USP35: variants seen among roughly 807,000 people sequenced by gnomAD.
The protein encoded by USP35 is ubiquitin specific peptidase 35.
In USP35, 69 loss-of-function variants were observed where a neutral mutation model predicts 83.8. That is an observed-to-expected ratio of 0.82 (90% confidence interval 0.68 to 1.01). USP35 has a LOEUF of 1.01. USP35 is among the 50% of genes least tolerant of loss of function. The probability of loss-of-function intolerance (pLI) is 0.00; values close to 1 mark genes in which losing one functional copy is unlikely to be tolerated. For synonymous variants in USP35, 714 were observed against 589.5 expected (o/e 1.21, Z -3.06); for missense variants, 1,503 against 1,362.5 (o/e 1.10, Z -1.62).
chr11:78,213,379 C>T (rs75571061), intron 10 of USP35, among the ~76,000 whole-genome samples: 15 of 152,168 alleles, frequency 9.9e-5, no homozygotes, highest in Admixed American at 4.6e-4. Flanking sequence ...TCAGACCTCT[C>T]GGTACCACAT....
At position 78,213,674 on chromosome 11, in the gene USP35, C is replaced by T. The variant is rs570683097; in HGVS notation, c.2918C>T (p.Ala973Val). ...QEQEKEARSR[A>V]AYISALPTSP... Reference sequence around the variant, plus strand: ...CAGGAGAAGGAGGCCCGGAGCAGGGCGGCCTACATCTCTGCACTCCCCACA... The same window carrying T: ...CAGGAGAAGGAGGCCCGGAGCAGGGTGGCCTACATCTCTGCACTCCCCACA... The change falls in exon 11 of 11, where the codon GCG becomes GTG. Residue 973 changes from alanine to valine, a missense_variant. Physicochemically the swap from Ala to Val is moderately conservative, Grantham distance 64. Transcript: ENST00000529308. The T allele has an allele frequency of 5.2e-5, 79 of 1,505,682 alleles. 1 individual carries two copies. Among genetic ancestry groups the T allele is most frequent in the South Asian group, 9.4e-5 (7 of 74,424 alleles). The allele number at this position is 1,505,682 out of a possible 1,614,324, so 93.3% of individuals were successfully genotyped here.
intron 6 of USP35, among the ~76,000 whole-genome samples, chr11:78,202,883 C>G (rs565484665): frequency 6.6e-6 from 1 of 152,274 alleles, no homozygotes; most frequent in Non-Finnish European, 1.5e-5. Flanking sequence ...AAACAGTGAG[C>G]TTCTGTGGGC....
At chr11:78,226,590 G>A in the USP35 span, 7 of 1,428,506 alleles carry the variant, frequency 4.9e-6, no homozygotes, top group Non-Finnish European at 5.8e-6. Flanking sequence ...AGGTGTTTCT[G>A]CCTGACTTGG....
At chr11:78,206,297 C>T (rs1163545789) in intron 7 of USP35, among the ~76,000 whole-genome samples, 1 of 152,220 alleles carries the variant, frequency 6.6e-6, no homozygotes, top group African/African-American at 2.4e-5. Flanking sequence ...GCTGACATCA[C>T]TGACTTTTCT....
At chr11:78,230,909 G>C in the USP35 span, among the ~76,000 whole-genome samples, 1 of 152,214 alleles carries the variant, frequency 6.6e-6, no homozygotes, top group African/African-American at 2.4e-5. Context: ...ACTGAGGCCT[G>C]TGTCACTGTG....
the USP35 span, chr11:78,221,855 T>G: frequency 1.0e-6 from 1 of 987,044 alleles, no homozygotes; most frequent in Non-Finnish European, 1.6e-6. Context: ...AGCTGGGCCC[T>G]GACCCTCACA....
Position 78,210,684 on chromosome 11 carries a change from G to A in USP35, c.2829G>A (p.Glu943=), listed in dbSNP as rs1863734677. The A allele has an allele frequency of 6.2e-7, 1 of 1,603,586 alleles. No homozygotes were observed. Among genetic ancestry groups the A allele is most frequent in the African/African-American group, 1.3e-5 (1 of 74,576 alleles). ...AELGSSRVRT[E]PTLHKDLMEA... ...TGGGCTCTTCTAGAGTCCGGACAGA[G>A]CCCACCCTGCACAAGGACTTGATGG... The change falls in exon 10 of 11, where the codon GAG becomes GAA. Residue 943 remains glutamate (E), a synonymous_variant. Coordinates refer to ENST00000529308, the MANE Select transcript of USP35 (RefSeq NM_020798.4).
rs181399996 is a variant in USP35, at chr11:78,215,162, G to C, written c.*1349G>C. ...ACTTTACAACAGACGCTGAGGTAGAGAGCATTTGTTCTTATTCACAGCCAA... is the reference window on the plus strand; with the variant it reads ...ACTTTACAACAGACGCTGAGGTAGACAGCATTTGTTCTTATTCACAGCCAA... On this transcript the variant is annotated 3_prime_UTR_variant, in exon 11 of 11. Transcript: ENST00000529308. 5 of 152,484 alleles carry C rather than the reference G, an allele frequency of 3.3e-5. No homozygotes were observed. The highest frequency in any genetic ancestry group is 1.2e-4 in the African/African-American group (5 of 41,444). The allele number at this position is 152,484 out of a possible 1,614,324, so 9.4% of individuals were successfully genotyped here. A position where few individuals can be genotyped will look rare whatever the true frequency, so the allele number is the denominator to read the frequency against.
At chr11:78,235,031 C>T in the USP35 span, among the ~76,000 whole-genome samples, 1 of 152,036 alleles carries the variant, frequency 6.6e-6, no homozygotes, top group Non-Finnish European at 1.5e-5. Flanking sequence ...CCGGGAGGGG[C>T]TGCCATGAAG....
At chr11:78,213,381 G>T (rs1283192460) in intron 10 of USP35, among the ~76,000 whole-genome samples, 1 of 152,172 alleles carries the variant, frequency 6.6e-6, no homozygotes, top group African/African-American at 2.4e-5. Context: ...AGACCTCTCG[G>T]TACCACATTA....
At chr11:78,230,658 A>G in the USP35 span, among the ~76,000 whole-genome samples, 2 of 152,404 alleles carry the variant, frequency 1.3e-5, no homozygotes, top group Admixed American at 1.3e-4. Context: ...GATAGATAAT[A>G]GTGACACATG....
intron 6 of USP35, among the ~76,000 whole-genome samples, chr11:78,202,354 G>C (rs985217042): frequency 6.6e-6 from 1 of 152,226 alleles, no homozygotes; most frequent in African/African-American, 2.4e-5. Flanking sequence ...TTCTGGCTTC[G>C]TCTGGGCTCT....
At chr11:78,221,859 C>T in the USP35 span, 1 of 912,464 alleles carries the variant, frequency 1.1e-6, no homozygotes, top group Non-Finnish European at 1.8e-6. Flanking sequence ...GGGCCCTGAC[C>T]CTCACACACC....
intron 4 of USP35, 102 bp from the exon 5 acceptor site, chr11:78,200,031 G>C (rs923499646): frequency 2.3e-6 from 3 of 1,301,300 alleles, no homozygotes; most frequent in South Asian, 2.4e-5. Flanking sequence ...CTCTGCATGG[G>C]TTTGAACTCT....
At chr11:78,209,047 G>A (rs374971552) in intron 9 of USP35, 84 bp downstream of exon 9, 137 of 1,377,866 alleles carry the variant, frequency 9.9e-5, no homozygotes, top group Admixed American at 1.9e-4. Context: ...GTGTTGCAGC[G>A]TCCAGGGAAT....
At chr11:78,197,026 G>A in intron 2 of USP35, 108 bp downstream of exon 2, 1 of 1,369,024 alleles carries the variant, frequency 7.3e-7, no homozygotes, top group Non-Finnish European at 9.4e-7. Context: ...CGTGTGGCAC[G>A]AGTGTGCCAG....
rs755648903 is a variant in USP35 at position 78,200,231 on chromosome 11, C to A, written c.1035C>A (p.His345Gln). The A allele has an allele frequency of 9.3e-6, 15 of 1,614,056 alleles. No homozygotes were observed. In the East Asian group the frequency reaches 3.3e-4, roughly 36 times the overall value. Reference sequence around the variant, plus strand: ...TCCAGCACTCCCACGAAGCCTTCCACCTGGTAAGGTCCCCTGCCTGCTGCC... The same window carrying A: ...TCCAGCACTCCCACGAAGCCTTCCAACTGGTAAGGTCCCCTGCCTGCTGCC... ...LTFQHSHEAF[H>Q]LLLPHIPPMV... Residue 345 changes from histidine to glutamine, a missense_variant, in exon 5 of 11, where the codon CAC becomes CAA. By Grantham distance (24) the His-to-Gln change is conservative. Coordinates refer to ENST00000529308, the MANE Select transcript of USP35 (RefSeq NM_020798.4).
At chr11:78,208,671 C>T (rs770283520) in intron 8 of USP35, among the ~76,000 whole-genome samples, 186 bp from the exon 9 acceptor site, 1 of 152,158 alleles carries the variant, frequency 6.6e-6, no homozygotes, top group Non-Finnish European at 1.5e-5. Flanking sequence ...CTCAGCCCTG[C>T]TCAGAGGCGT....
intron 10 of USP35, 61 bp downstream of exon 10, chr11:78,210,805 C>A: frequency 6.8e-7 from 1 of 1,467,656 alleles, no homozygotes; most frequent in Non-Finnish European, 9.0e-7. Context: ...AGTCCCACTA[C>A]TGGCTTAGAT....
Sources: gnomAD v4.1 joint callset for allele counts (sites outside exome capture counted in the v4.1 genomes callset) on GRCh38, gnomAD v4.1.1 for gene constraint, MANE v1.5 for transcripts, NCBI Gene and HGNC (gene_info 2026-07-23, HGNC 2026-07-21) for gene names.